The following CRTAP variants were observed in gnomAD, a reference collection of about 807,000 sequenced individuals.
The protein encoded by CRTAP is cartilage-associated protein.
In CRTAP, 33 loss-of-function variants were observed where a neutral mutation model predicts 42.7. The ratio of observed to expected loss-of-function variants is 0.77; its 90% CI spans 0.59 to 1.03. The LOEUF (loss-of-function observed/expected upper bound fraction) is 1.03. CRTAP is among the 50% of genes least tolerant of loss of function. The pLI, the probability that CRTAP is intolerant of heterozygous loss-of-function variation, is 0.00. For missense variants in CRTAP, 613 were observed against 533.9 expected (o/e 1.15, Z -1.46); for synonymous variants, 243 against 217.7 (o/e 1.12, Z -1.02).
chr3:33,138,195 GTTC>G (rs1307437166), intron 6 of CRTAP, among the ~76,000 whole-genome samples: 1 of 151,868 alleles, frequency 6.6e-6, no homozygotes, highest in Non-Finnish European at 1.5e-5. Context: ...CTCCAACGTT[GTTC>G]TTCTTTTCCA....
intron 1 of CRTAP, among the ~76,000 whole-genome samples, chr3:33,117,252 A>T (rs983109560): frequency 2.6e-5 from 4 of 152,180 alleles, no homozygotes; most frequent in Non-Finnish European, 5.9e-5. Context: ...ACATGGATAA[A>T]TGTTACTCTG....
chr3:33,141,410 T>C (rs1398390009), intron 6 of CRTAP, among the ~76,000 whole-genome samples: 1 of 152,230 alleles, frequency 6.6e-6, no homozygotes, highest in African/African-American at 2.4e-5. Context: ...ATCTCAGGCA[T>C]GACATAGTAG....
intron 1 of CRTAP, 26 bp downstream of exon 1, chr3:33,114,574 G>C: frequency 6.4e-7 from 1 of 1,551,022 alleles, no homozygotes; most frequent in Non-Finnish European, 8.7e-7. Flanking sequence ...CCCGTCCCAG[G>C]CCCCGGCCCC....
In CRTAP at chr3:33,114,486, G is replaced by C; in HGVS notation, c.409G>C (p.Glu137Gln). 1 of 1,603,494 alleles carries C rather than the reference G, an allele frequency of 6.2e-7. No individual in the cohort carries two copies. The highest frequency in any genetic ancestry group is 8.5e-7 in the Non-Finnish European group (1 of 1,176,916). ...CTTCCGCCAGTCCCAGCCCAGCCGC[G>C]AGGTGCTGGCGGACTTCCAGCGCCG... Reference protein sequence around the residue: ...PAFRQSQPSREVLADFQRREP... With the variant: ...PAFRQSQPSRQVLADFQRREP... The change falls in exon 1 of 7, where the codon GAG becomes CAG. Residue 137 changes from glutamate (E) to glutamine (Q), a missense_variant. Coordinates refer to ENST00000320954, the MANE Select transcript of CRTAP (RefSeq NM_006371.5).
Position 33,119,062 on chromosome 3 carries a change from T to C in CRTAP, c.472-1282T>C, listed in dbSNP as rs148230955. ...CTCCCCTCAAACCTGTCAGGCTCTT[T>C]TGTGAGTGCAGGCTTTTTTCAAGTG... On this transcript the variant is annotated intron_variant, in intron 1 of 6. Coordinates refer to ENST00000320954, the MANE Select transcript of CRTAP (RefSeq NM_006371.5). 2.4e-4 allele frequency among the ~76,000 whole-genome samples: 36 copies of C among 152,324 alleles called. 1 individual carries two copies. In the East Asian group the frequency reaches 6.7e-3, roughly 29 times the overall value.
Position 33,115,779 on chromosome 3 carries a change from A to G in CRTAP, c.471+1231A>G, listed in dbSNP as rs72857432. On this transcript the variant is annotated intron_variant, in intron 1 of 6. Coordinates refer to ENST00000320954, the MANE Select transcript of CRTAP (RefSeq NM_006371.5). ...TGTTTTTTCAGATTTCCACCGAGAC[A>G]GAGCCACGTGTATATTGTATTTATA... Among the ~76,000 whole-genome samples, 1,137 of 151,800 alleles carry G rather than the reference A, an allele frequency of 7.5e-3. 23 individuals carry two copies. The highest frequency in any genetic ancestry group is 0.026 in the African/African-American group (1,064 of 41,400).
At chr3:33,137,385 C>T (rs2030452563) in intron 6 of CRTAP, among the ~76,000 whole-genome samples, 1 of 152,214 alleles carries the variant, frequency 6.6e-6, no homozygotes, top group African/African-American at 2.4e-5. Context: ...AGGCGATCCA[C>T]CCGCCTCAGC....
At chr3:33,117,168 G>A (rs541742398) in intron 1 of CRTAP, among the ~76,000 whole-genome samples, 14 of 152,186 alleles carry the variant, frequency 9.2e-5, no homozygotes, top group African/African-American at 1.4e-4. Flanking sequence ...AAAGATGGGT[G>A]GCAGGCACAT....
intron 2 of CRTAP, among the ~76,000 whole-genome samples, chr3:33,122,937 G>A (rs2029927177): frequency 6.6e-6 from 1 of 151,964 alleles, no homozygotes; most frequent in South Asian, 2.1e-4. Context: ...TGGAGACCAA[G>A]CTACTTCCTT....
Position 33,132,246 on chromosome 3 carries a change from G to A in CRTAP, c.923-309G>A, listed in dbSNP as rs544955578. 3.5e-4 allele frequency among the ~76,000 whole-genome samples: 53 copies of A among 152,288 alleles called. 1 individual carries two copies. Among genetic ancestry groups the A allele is most frequent in the Admixed American group, 3.3e-3 (51 of 15,302 alleles). ...TCCTCCCTATCTCCCTCAGCCCCAG[G>A]ACAATCCAGCTTTTTCCAGCTGCTT... On this transcript the variant is annotated intron_variant, in intron 4 of 6. Transcript: ENST00000320954.
intron 6 of CRTAP, among the ~76,000 whole-genome samples, chr3:33,142,051 A>G (rs780962748): frequency 2.6e-5 from 4 of 152,162 alleles, no homozygotes; most frequent in Non-Finnish European, 5.9e-5. Flanking sequence ...CAGATAGAAA[A>G]TGTTCCTGTG....
In CRTAP at chr3:33,123,625, G is replaced by GTTT. The variant is rs141876885; in HGVS notation, c.622-761_622-759dup. The stretch of plus-strand genomic sequence containing the variant: ...TTTATTTATAAATTACCCAGTCTCG[G>GTTT]TTTTTTTTTTTTTTTTTTTTTTTTG... On this transcript the variant is annotated intron_variant, in intron 2 of 6. Transcript: ENST00000320954. Among the ~76,000 whole-genome samples, 237 of 106,346 alleles carry GTTT rather than the reference G, an allele frequency of 2.2e-3. 4 individuals are homozygous for GTTT. Among genetic ancestry groups the GTTT allele is most frequent in the African/African-American group, 8.1e-3 (212 of 26,306 alleles). The allele number at this position is 106,346 out of a possible 152,430, so 69.8% of individuals were successfully genotyped here.
chr3:33,118,841 A>G (rs539828822), intron 1 of CRTAP, among the ~76,000 whole-genome samples: 5 of 152,276 alleles, frequency 3.3e-5, no homozygotes, highest in Admixed American at 2.0e-4. Context: ...CTGCCATAAC[A>G]TACCTGTTCT....
At chr3:33,124,236 A>T (rs1239170965) in intron 2 of CRTAP, among the ~76,000 whole-genome samples, 172 bp from the exon 3 acceptor site, 1 of 152,228 alleles carries the variant, frequency 6.6e-6, no homozygotes, top group Non-Finnish European at 1.5e-5. Flanking sequence ...TAAGCAAAGT[A>T]GAAAAATCTA....
chr3:33,131,505 C>T (rs1037466068), intron 4 of CRTAP, among the ~76,000 whole-genome samples: 2 of 152,088 alleles, frequency 1.3e-5, no homozygotes, highest in Non-Finnish European at 2.9e-5. Context: ...TCCTCACGTG[C>T]CCTGAAAATC....
intron 6 of CRTAP, among the ~76,000 whole-genome samples, chr3:33,139,674 C>T (rs1373986836): frequency 6.6e-6 from 1 of 152,032 alleles, no homozygotes; most frequent in Non-Finnish European, 1.5e-5. Flanking sequence ...ACGGGGGTTT[C>T]ACCATGTTGG....
chr3:33,127,453 T>G (rs2030108318), intron 3 of CRTAP, among the ~76,000 whole-genome samples: 1 of 141,628 alleles, frequency 7.1e-6, no homozygotes, highest in Non-Finnish European at 1.5e-5. Context: ...ATTTATTTAT[T>G]TATTTATTTT....
chr3:33,147,447 C>T lies in CRTAP; in HGVS notation c.*4999C>T, dbSNP rs747683650. The T allele has an allele frequency of 6.6e-6, 1 of 152,602 alleles. No homozygotes were observed. Among genetic ancestry groups the T allele is most frequent in the Non-Finnish European group, 1.5e-5 (1 of 68,064 alleles). The allele number at this position is 152,602 out of a possible 1,614,324, so 9.5% of individuals were successfully genotyped here. Reference sequence around the variant, plus strand: ...CCACACAAATAGCTGGCTTTCGTTGCTTGTTGAATGAATGAGTGAGTTGGC... The same window carrying T: ...CCACACAAATAGCTGGCTTTCGTTGTTTGTTGAATGAATGAGTGAGTTGGC... On this transcript the variant is annotated 3_prime_UTR_variant, in exon 7 of 7. Transcript: ENST00000320954.
intron 1 of CRTAP, among the ~76,000 whole-genome samples, chr3:33,116,111 C>T (rs1400982179): frequency 1.3e-5 from 2 of 152,088 alleles, no homozygotes; most frequent in African/African-American, 2.4e-5. Context: ...AAGAGGAAAT[C>T]ATTTTATTTT....
Sources: gnomAD v4.1 joint callset for allele counts (sites outside exome capture counted in the v4.1 genomes callset) on GRCh38, gnomAD v4.1.1 for gene constraint, MANE v1.5 for transcripts, NCBI Gene and HGNC (gene_info 2026-07-23, HGNC 2026-07-21) for gene names.